Variants in GRIN2B observed in about 807,000 individuals in gnomAD.
GRIN2B encodes the protein glutamate ionotropic receptor NMDA type subunit 2B.
Under a neutral mutation model 114.5 loss-of-function variants are expected in GRIN2B, and 5 were observed. The ratio of observed to expected loss-of-function variants is 0.04; its 90% confidence interval spans 0.02 to 0.09. GRIN2B has a LOEUF of 0.09. Among genes scored for constraint, GRIN2B ranks in the 10% least tolerant of loss-of-function variants. The pLI is 1.00. For synonymous variants in GRIN2B, 787 were observed against 745.1 expected, an observed-to-expected ratio of 1.06 and a Z score of -0.92; for missense variants, 1,108 against 1,943.5, an observed-to-expected ratio of 0.57 and a Z score of 8.08.
intron 4 of GRIN2B, among the ~76,000 whole-genome samples, chr12:13,680,218 T>C (rs1950114939): frequency 2.0e-5 from 3 of 152,176 alleles, no homozygotes; most frequent in African/African-American, 4.8e-5. Context: ...TGGATCTGGC[T>C]GTACTTTGTC....
At chr12:13,656,436 C>T (rs765363953) in intron 5 of GRIN2B, among the ~76,000 whole-genome samples, 13 of 152,076 alleles carry the variant, frequency 8.5e-5, no homozygotes, top group African/African-American at 1.2e-4. Context: ...CAGCCTGACT[C>T]GAATCACCAA....
At chr12:13,719,486 A>T (rs905205808) in intron 4 of GRIN2B, among the ~76,000 whole-genome samples, 1 of 152,080 alleles carries the variant, frequency 6.6e-6, no homozygotes, top group African/African-American at 2.4e-5. Context: ...ACTCCAAACA[A>T]GAGAAGTCCA....
chr12:13,606,222 AAAAG>A (rs148024259), intron 10 of GRIN2B, among the ~76,000 whole-genome samples: 39,605 of 151,986 alleles, frequency 0.26, 5,787 homozygotes, highest in Middle Eastern at 0.43. Context: ...TTTATAAAGA[AAAAG>A]AAAGATTCAG....
rs986093078 is a variant in GRIN2B at position 13,871,413 on chromosome 12, A to G, written c.-18-5187T>C. Among the ~76,000 whole-genome samples, 7 of 152,028 alleles carry G rather than the reference A, an allele frequency of 4.6e-5. No homozygotes were observed. In the South Asian group the frequency reaches 1.4e-3, roughly 31 times the overall value. ...AAAAACTTGTGATTAAATAACTATA[A>G]GGTTAAAAAGGAAATCATAAGGGAA... is the stretch of plus-strand genomic sequence containing the variant. On this transcript the variant is annotated intron_variant, in intron 2 of 13. Coordinates refer to ENST00000609686, the MANE Select transcript of GRIN2B (RefSeq NM_000834.5).
chr12:13,698,493 C>T (rs1044096695), intron 4 of GRIN2B, among the ~76,000 whole-genome samples: 1 of 152,016 alleles, frequency 6.6e-6, no homozygotes, highest in South Asian at 2.1e-4. Flanking sequence ...AAAAGCCTGG[C>T]AGAAAATATT....
chr12:13,871,970 C>T (rs1025136478), intron 2 of GRIN2B, among the ~76,000 whole-genome samples: 2 of 152,012 alleles, frequency 1.3e-5, no homozygotes, highest in African/African-American at 4.8e-5. Flanking sequence ...TAGTCCTCCA[C>T]TTCCCACCCA....
chr12:13,824,453 C>T (rs571667382), intron 3 of GRIN2B, among the ~76,000 whole-genome samples: 12 of 152,204 alleles, frequency 7.9e-5, no homozygotes, highest in Admixed American at 1.3e-4. Flanking sequence ...AATTTTGATA[C>T]GCTCTATAGT....
chr12:13,943,296 TAG>T (rs1303236530), intron 2 of GRIN2B, among the ~76,000 whole-genome samples: 1 of 152,216 alleles, frequency 6.6e-6, no homozygotes, highest in African/African-American at 2.4e-5. Context: ...CCTTAAGAAA[TAG>T]AGTCAGGATT....
intron 2 of GRIN2B, among the ~76,000 whole-genome samples, chr12:13,939,465 G>A (rs985462992): frequency 5.4e-5 from 8 of 149,454 alleles, no homozygotes; most frequent in African/African-American, 1.7e-4. Context: ...CACATAACAC[G>A]CCTGTTTCCC....
chr12:13,639,264 C>T (rs1411219789), intron 5 of GRIN2B, among the ~76,000 whole-genome samples: 1 of 152,096 alleles, frequency 6.6e-6, no homozygotes, highest in Non-Finnish European at 1.5e-5. Context: ...ACTGTGGCAA[C>T]CAGTCAGCAG....
chr12:13,754,938 C>G lies in GRIN2B; in HGVS notation c.412-1023G>C, dbSNP rs1863551614. Among the ~76,000 whole-genome samples, 3 of 152,152 alleles carry G rather than the reference C, an allele frequency of 2.0e-5. No homozygotes were observed. The South Asian group carries it at 6.2e-4, about 32-fold the overall frequency. On this transcript the variant is annotated intron_variant, in intron 3 of 13. Coordinates refer to ENST00000609686, the MANE Select transcript of GRIN2B (RefSeq NM_000834.5). ...TCTGAGATATCAAGTCCTGCATTTT[C>G]TCTCTACCTTTAGCTAGATGAGTCC...
rs1033652234 is a variant in GRIN2B, at chr12:13,830,876, T to C, written c.411+34922A>G. ...TCTGCCCTGCCTTATCACAGGTACA[T>C]ATGGAAAAATGCAAGTGCTGTAGTT... On this transcript the variant is annotated intron_variant, in intron 3 of 13. Transcript: ENST00000609686. Among the ~76,000 whole-genome samples the C allele has an allele frequency of 5.4e-4, 82 of 152,170 alleles. 1 individual carries two copies. Among genetic ancestry groups the C allele is most frequent in the Non-Finnish European group, 1.5e-4 (10 of 68,030 alleles).
chr12:13,811,546 A>C (rs2136684388), intron 3 of GRIN2B, among the ~76,000 whole-genome samples: 1 of 152,324 alleles, frequency 6.6e-6, no homozygotes, highest in South Asian at 2.1e-4. Context: ...GCGCCACTGT[A>C]CTCAGCCTGG....
At chr12:13,747,615 C>T (rs1366274399) in intron 4 of GRIN2B, among the ~76,000 whole-genome samples, 1 of 152,156 alleles carries the variant, frequency 6.6e-6, no homozygotes, top group Non-Finnish European at 1.5e-5. Context: ...ATGTAGCTTT[C>T]CTTAGACTCT....
Position 13,543,913 on chromosome 12 carries a change from C to T in GRIN2B, c.*18870G>A, listed in dbSNP as rs1591594060. 7.4e-6 allele frequency: 1 copy of T among 135,068 alleles called. No homozygotes were observed. The highest frequency in any genetic ancestry group is 2.2e-4 in the South Asian group (1 of 4,468). 8.4% of individuals were successfully genotyped at this position (135,068 alleles called of 1,614,324 possible). ...CTGGTTAGTCCCCTGAAGCCAGTCC[C>T]TCTATGTTTGTATTGAATCCCATGC... On this transcript the variant is annotated 3_prime_UTR_variant, in exon 14 of 14. Transcript: ENST00000609686.
intron 10 of GRIN2B, among the ~76,000 whole-genome samples, chr12:13,603,733 T>TG (rs1949198050): frequency 6.6e-6 from 1 of 151,862 alleles, no homozygotes; most frequent in Non-Finnish European, 1.5e-5. Flanking sequence ...AATAGGAAAG[T>TG]GGGGGCAGGG....
intron 2 of GRIN2B, among the ~76,000 whole-genome samples, chr12:13,899,214 A>G (rs1425750058): frequency 6.6e-6 from 1 of 152,230 alleles, no homozygotes; most frequent in Non-Finnish European, 1.5e-5. Context: ...TAACTTGTGC[A>G]AAGCCCCCTA....
Position 13,564,136 on chromosome 12 carries a change from C to T in GRIN2B, c.3102G>A (p.Gln1034=), listed in dbSNP as rs1204745546. The change falls in exon 14 of 14, where the codon CAG becomes CAA. Residue 1034 remains glutamine, a synonymous_variant. Transcript: ENST00000609686. The surrounding 1 kb of genome is among the most constrained non-coding windows in gnomAD (Gnocchi z 4.8). ...AGAATTTGCCGTACAGGTCACTGAG[C>T]TGGCTGTGCTTGGAGGAGGGGAGGC... ...DIGLPSSKHS[Q]LSDLYGKFSF... 1.2e-6 allele frequency: 2 copies of T among 1,614,136 alleles called. No individual in the cohort carries two copies.
intron 4 of GRIN2B, among the ~76,000 whole-genome samples, chr12:13,685,315 G>T (rs935226313): frequency 2.7e-4 from 41 of 152,152 alleles, no homozygotes; most frequent in Non-Finnish European, 5.7e-4. Context: ...TAACAGCTCT[G>T]CCAAAGGGGG....
Sources: allele counts gnomAD v4.1 joint callset (sites outside exome capture counted in the v4.1 genomes callset), GRCh38; gene constraint gnomAD v4.1.1; non-coding constraint Gnocchi (gnomAD v3.1); transcripts MANE v1.5; gene names NCBI Gene and HGNC (gene_info 2026-07-23, HGNC 2026-07-21).